The following EFHD1 variants were observed in gnomAD, a reference collection of about 807,000 sequenced individuals.
EFHD1 encodes EF-hand domain family member D1.
In EFHD1, 10 loss-of-function variants were observed where a neutral mutation model predicts 17.2. That is an observed-to-expected ratio of 0.58 (90% CI 0.36 to 0.99). The LOEUF (loss-of-function observed/expected upper bound fraction) is 0.99, where lower values mean the gene tolerates loss of function less well. Among genes scored for constraint, EFHD1 ranks in the 50% least tolerant of loss-of-function variants. EFHD1 has a pLI of 0.01. For synonymous variants in EFHD1, 153 were observed against 142.0 expected (o/e 1.08, Z -0.55); for missense variants, 310 against 327.5 (o/e 0.95, Z 0.41).
intron 1 of EFHD1, among the ~76,000 whole-genome samples, chr2:232,637,513 T>C (rs1190727981): frequency 6.6e-6 from 1 of 151,892 alleles, no homozygotes; most frequent in Non-Finnish European, 1.5e-5. Context: ...CCAGGTAATT[T>C]TTGTATTTTT....
At chr2:232,634,121 C>A in intron 1 of EFHD1, 115 bp downstream of exon 1, 1 of 1,472,070 alleles carries the variant, frequency 6.8e-7, no homozygotes, top group Non-Finnish European at 8.9e-7. Flanking sequence ...GTGCAGGTAG[C>A]ATTTGGCCCA....
At chr2:232,679,258 A>G (rs1306405036) in intron 3 of EFHD1, among the ~76,000 whole-genome samples, 1 of 152,238 alleles carries the variant, frequency 6.6e-6, no homozygotes, top group Admixed American at 6.5e-5. Context: ...ATTTGATTAC[A>G]TCAAAATTTT....
chr2:232,647,347 G>T (rs561022137), intron 1 of EFHD1, among the ~76,000 whole-genome samples: 9 of 152,350 alleles, frequency 5.9e-5, no homozygotes, highest in African/African-American at 2.2e-4. Flanking sequence ...ATGGCCTGGC[G>T]CCCTGTAGTC....
rs1043279982 is a variant in EFHD1 at position 232,663,040 on chromosome 2, C to T, written c.450+91C>T. 8.7e-6 allele frequency: 12 copies of T among 1,382,876 alleles called. No homozygotes were observed. The Admixed American group carries it at 1.4e-4, about 16-fold the overall frequency. 85.7% of individuals were successfully genotyped at this position (1,382,876 alleles called of 1,614,324 possible). A position where few individuals can be genotyped will look rare whatever the true frequency, so the allele number is the denominator to read the frequency against. Reference sequence around the variant, plus strand: ...CCACTGGAGCACAAATGGGTTTGGCCTCTCCAGAGCGCTGTTTGCGTATCT... The same window carrying T: ...CCACTGGAGCACAAATGGGTTTGGCTTCTCCAGAGCGCTGTTTGCGTATCT... On this transcript the variant is annotated intron_variant, in intron 2 of 3. Transcript: ENST00000264059.
At chr2:232,631,717 A>G (rs1337938715), upstream of EFHD1, among the ~76,000 whole-genome samples, 2 of 146,920 alleles carry the variant, frequency 1.4e-5, no homozygotes, top group Non-Finnish European at 3.0e-5. Flanking sequence ...CAAAAACAAA[A>G]CCAGCTGGGT....
Position 232,623,744 on chromosome 2 carries a change from C to T in EFHD1, c.14+17571C>T, listed in dbSNP as rs1382158455. 3.3e-5 allele frequency among the ~76,000 whole-genome samples: 5 copies of T among 150,392 alleles called. No homozygotes were observed. In the East Asian group the frequency reaches 9.8e-4, roughly 29 times the overall value. On this transcript the variant is annotated intron_variant, in intron 1 of 3. Coordinates refer to the EFHD1 transcript ENST00000409613. ...AGAAAGAAAGAAAAAAAAGAAATAGCTCATTCTATTTCTGTTGGACAGCGC... is the reference window on the plus strand; with the variant it reads ...AGAAAGAAAGAAAAAAAAGAAATAGTTCATTCTATTTCTGTTGGACAGCGC...
intron 2 of EFHD1, 38 bp from the exon 3 acceptor site, chr2:232,672,271 G>A: frequency 1.2e-6 from 2 of 1,613,884 alleles, no homozygotes; most frequent in Middle Eastern, 1.7e-4. Flanking sequence ...ATCTGTCAGT[G>A]AGACTGACTC....
chr2:232,623,996 C>T (rs1255859114), intron 1 of EFHD1, among the ~76,000 whole-genome samples: 2 of 152,018 alleles, frequency 1.3e-5, no homozygotes, highest in African/African-American at 2.4e-5. Flanking sequence ...CTTCCTAGGG[C>T]GGTGCCAGCC....
chr2:232,614,303 C>T (rs762979451), intron 1 of EFHD1, among the ~76,000 whole-genome samples: 13 of 152,030 alleles, frequency 8.6e-5, no homozygotes, highest in African/African-American at 1.2e-4. Flanking sequence ...CCTGAGTGTG[C>T]CTGCCTCTCC....
At chr2:232,631,292 C>G (rs563915808), upstream of EFHD1, among the ~76,000 whole-genome samples, 10 of 151,622 alleles carry the variant, frequency 6.6e-5, no homozygotes, top group East Asian at 1.9e-3. Context: ...TTCTTTCTCT[C>G]TCTCTCTCTC....
Position 232,633,677 on chromosome 2 carries a change from G to C in EFHD1, c.-28G>C, listed in dbSNP as rs1178487898. On this transcript the variant is annotated 5_prime_UTR_variant, in exon 1 of 4. Coordinates refer to ENST00000264059, the MANE Select transcript of EFHD1 (RefSeq NM_025202.4). The stretch of plus-strand genomic sequence containing the variant: ...TCCCTGCGTCCCGTCCCGCGTCCCC[G>C]CGTTCCCGCGTCCTGCGATCCGCCG... The C allele has an allele frequency of 1.4e-6, 2 of 1,405,574 alleles. No homozygotes were observed. Among genetic ancestry groups the C allele is most frequent in the East Asian group, 6.1e-5 (2 of 32,658 alleles). 87.1% of individuals were successfully genotyped at this position (1,405,574 alleles called of 1,614,324 possible).
At chr2:232,656,654 C>A (rs1277587755) in intron 1 of EFHD1, among the ~76,000 whole-genome samples, 3 of 151,916 alleles carry the variant, frequency 2.0e-5, no homozygotes, top group Non-Finnish European at 4.4e-5. Context: ...CCAGGCTTGT[C>A]TTGAACTCCT....
At position 232,640,818 on chromosome 2, in the gene EFHD1, C is replaced by T. The variant is rs560453605; in HGVS notation, c.302+6812C>T. 6.6e-5 allele frequency among the ~76,000 whole-genome samples: 10 copies of T among 152,216 alleles called. No homozygotes were observed. The East Asian group carries it at 1.7e-3, about 27-fold the overall frequency. ...GGCTCCTGGTCGTTCTGGGCACAGC[C>T]AGGGAGGAGCAGCCACCAAGGACTG... On this transcript the variant is annotated intron_variant, in intron 1 of 3. Transcript: ENST00000264059.
intron 1 of EFHD1, among the ~76,000 whole-genome samples, chr2:232,628,017 G>GA: frequency 6.6e-6 from 1 of 152,204 alleles, no homozygotes; most frequent in East Asian, 1.9e-4. Flanking sequence ...ATGGAATGAA[G>GA]ACTCTGCACC....
intron 1 of EFHD1, chr2:232,606,781 T>C (rs914256823): frequency 6.6e-6 from 1 of 150,384 alleles, no homozygotes; most frequent in African/African-American, 2.5e-5. Context: ...TCCCAGCTAC[T>C]GGGGAGGCTG....
At chr2:232,608,120 A>G (rs1693752758) in intron 1 of EFHD1, among the ~76,000 whole-genome samples, 1 of 152,212 alleles carries the variant, frequency 6.6e-6, no homozygotes, top group Admixed American at 6.5e-5. Context: ...CTGTAATCCC[A>G]GCACTTTGGG....
At chr2:232,675,865 T>G (rs1382450817) in intron 3 of EFHD1, among the ~76,000 whole-genome samples, 5 of 151,974 alleles carry the variant, frequency 3.3e-5, no homozygotes, top group Non-Finnish European at 7.4e-5. Flanking sequence ...GGGGAGTTGA[T>G]GATATTTTTC....
rs1313921766 is a variant in EFHD1, at chr2:232,679,756, A to G, written c.586-1829A>G. ...AAAAGGAACTGCAAATTTAAAGATAATATAATAACTGAATAGAAACGTGGG... is the reference window on the plus strand; with the variant it reads ...AAAAGGAACTGCAAATTTAAAGATAGTATAATAACTGAATAGAAACGTGGG... On this transcript the variant is annotated intron_variant, in intron 3 of 3. Transcript: ENST00000264059. Among the ~76,000 whole-genome samples, 5 of 151,902 alleles carry G rather than the reference A, an allele frequency of 3.3e-5. No individual in the cohort carries two copies. The East Asian group carries it at 5.8e-4, about 18-fold the overall frequency.
At chr2:232,633,580 C>A, upstream of EFHD1, 1 of 1,305,410 alleles carries the variant, frequency 7.7e-7, no homozygotes, top group East Asian at 3.2e-5. Context: ...ACCCTCCCAA[C>A]CGCCGGGTCC....
Sources: allele counts gnomAD v4.1 joint callset (sites outside exome capture counted in the v4.1 genomes callset), GRCh38; gene constraint gnomAD v4.1.1; transcripts MANE v1.5; gene names NCBI Gene and HGNC (gene_info 2026-07-23, HGNC 2026-07-21).